Variants in TRPM2 observed in about 807,000 individuals in gnomAD.
TRPM2 encodes estrogen-responsive element-associated gene 1 protein.
Under a neutral mutation model 174.0 loss-of-function variants are expected in TRPM2, and 161 were observed. The ratio of observed to expected loss-of-function variants is 0.93; its 90% CI spans 0.81 to 1.05. TRPM2 has a LOEUF of 1.05. Ranked by LOEUF, TRPM2 falls within the 50% of genes least tolerant of loss-of-function variation. The pLI, the probability that TRPM2 is intolerant of heterozygous loss-of-function variation, is 0.00. For missense variants in TRPM2, 2,057 were observed against 2,038.0 expected (o/e 1.01, Z -0.18); for synonymous variants, 954 against 861.3 (o/e 1.11, Z -1.88).
At chr21:44,426,864 C>A (rs2050805974) in intron 26 of TRPM2, 128 bp downstream of exon 26, 4 of 1,350,372 alleles carry the variant, frequency 3.0e-6, no homozygotes, top group Non-Finnish European at 4.1e-6. Context: ...CCCGTGGGGG[C>A]CTGAAGGGGC....
intron 5 of TRPM2, 78 bp downstream of exon 5, chr21:44,369,421 G>A (rs1602144722): frequency 6.6e-7 from 1 of 1,523,144 alleles, no homozygotes; most frequent in East Asian, 2.3e-5. Flanking sequence ...TGGGGAGCAG[G>A]TGGAGTGTAC....
At chr21:44,364,307 G>T in intron 3 of TRPM2, 25 bp downstream of exon 3, 2 of 1,611,538 alleles carry the variant, frequency 1.2e-6, no homozygotes, top group South Asian at 1.1e-5. Flanking sequence ...CTCTCGCTCT[G>T]AACTGTAGGT....
At position 44,401,721 on chromosome 21, in the gene TRPM2, G is replaced by GCCCGTGCCTTCTTCACCGCA; in HGVS notation, c.2369_2388dup (p.Val797ProfsTer12). 6.2e-7 allele frequency: 1 copy of GCCCGTGCCTTCTTCACCGCA among 1,613,324 alleles called. No homozygotes were observed. On this transcript the variant is annotated frameshift_variant, in exon 16 of 32. Transcript: ENST00000397928. LOFTEE classifies it high-confidence loss of function. ...GGATGTGGGCACCCCCGCGGCCCGC[G>GCCCGTGCCTTCTTCACCGCA]CCCGTGCCTTCTTCACCGCACCCGT... is the stretch of plus-strand genomic sequence containing the variant.
intron 21 of TRPM2, 145 bp downstream of exon 21, chr21:44,418,253 G>A: frequency 1.5e-6 from 2 of 1,377,356 alleles, no homozygotes; most frequent in African/African-American, 1.4e-5. Flanking sequence ...CTGGCCTTGA[G>A]CAAGTGGTGG....
At position 44,391,547 on chromosome 21, in the gene TRPM2, C is replaced by G. The variant is rs1454282139; in HGVS notation, c.1716C>G (p.Phe572Leu). 1 of 1,600,688 alleles carries G rather than the reference C, an allele frequency of 6.2e-7. No individual in the cohort carries two copies. The highest frequency in any genetic ancestry group is 1.3e-5 in the African/African-American group (1 of 74,798). The change falls in exon 11 of 32, where the codon TTC becomes TTG. Residue 572 changes from phenylalanine to leucine, a missense_variant. Physicochemically the swap from Phe to Leu is conservative, Grantham distance 22. Transcript: ENST00000397928. The surrounding 1 kb of genome is among the most constrained non-coding windows in gnomAD (Gnocchi z 5.0). ...AQVLRELLGD[F>L]TQPLYPRPRH... Reference sequence around the variant, plus strand: ...TGCTGCGGGAGCTGCTGGGGGACTTCACGCAGCCGCTTTATCCCCGGCCCC... The same window carrying G: ...TGCTGCGGGAGCTGCTGGGGGACTTGACGCAGCCGCTTTATCCCCGGCCCC...
chr21:44,441,564 C>T, intron 31 of TRPM2, 128 bp from the exon 32 acceptor site: 1 of 1,273,582 alleles, frequency 7.9e-7, no homozygotes, highest in Middle Eastern at 2.4e-4. Flanking sequence ...GGGGTCCTGC[C>T]TCCCATTTCA....
chr21:44,367,015 C>T lies in TRPM2; in HGVS notation c.604+81C>T. 6.8e-7 allele frequency: 1 copy of T among 1,462,020 alleles called. No homozygotes were observed. Among genetic ancestry groups the T allele is most frequent in the Middle Eastern group, 2.4e-4 (1 of 4,120 alleles). 90.6% of individuals were successfully genotyped at this position (1,462,020 alleles called of 1,614,324 possible). A position where few individuals can be genotyped will look rare whatever the true frequency, so the allele number is the denominator to read the frequency against. Reference sequence around the variant, plus strand: ...GCAGTGCTGGGGCAATCAGGGCCATCAGGACCCAAAAAGTCCCTGGGAGCC... The same window carrying T: ...GCAGTGCTGGGGCAATCAGGGCCATTAGGACCCAAAAAGTCCCTGGGAGCC... On this transcript the variant is annotated intron_variant, in intron 4 of 31. Coordinates refer to ENST00000397928, the MANE Select transcript of TRPM2 (RefSeq NM_003307.4). The surrounding 1 kb of genome is among the most constrained non-coding windows in gnomAD (Gnocchi z 4.6).
chr21:44,422,227 A>G, intron 22 of TRPM2: 1 of 1,525,664 alleles, frequency 6.6e-7, no homozygotes, highest in Non-Finnish European at 8.8e-7. Context: ...ATAACCTTGC[A>G]GCACTGAGGT....
chr21:44,376,696 A>G lies in TRPM2; in HGVS notation c.952+683A>G, dbSNP rs1386614910. On this transcript the variant is annotated intron_variant, in intron 6 of 31. Transcript: ENST00000397928. This position sits in a 1 kb window ranked among gnomAD's most constrained non-coding sequence, Gnocchi z 4.2. Reference sequence around the variant, plus strand: ...CGGGAGGTCAAGTGCGGGGTTTTGCATATCACTTGAGGAGGGTTCAAAGAG... The same window carrying G: ...CGGGAGGTCAAGTGCGGGGTTTTGCGTATCACTTGAGGAGGGTTCAAAGAG... Among the ~76,000 whole-genome samples the G allele has an allele frequency of 1.3e-5, 2 of 152,164 alleles. No homozygotes were observed. Among genetic ancestry groups the G allele is most frequent in the Non-Finnish European group, 2.9e-5 (2 of 68,024 alleles).
chr21:44,369,995 G>T (rs927390340), intron 5 of TRPM2, among the ~76,000 whole-genome samples: 1 of 147,150 alleles, frequency 6.8e-6, no homozygotes, highest in Admixed American at 6.7e-5. Context: ...GTCTGACCGG[G>T]TGCTGTGAGG....
intron 19 of TRPM2, among the ~76,000 whole-genome samples, chr21:44,409,820 C>G (rs1298820145): frequency 1.3e-5 from 2 of 149,974 alleles, no homozygotes; most frequent in Admixed American, 1.3e-4. Flanking sequence ...TTTGACCGCA[C>G]TGTCTTGGTG....
chr21:44,406,033 G>GA lies in TRPM2; in HGVS notation c.2786_2787insA (p.Met930AspfsTer78). On this transcript the variant is annotated frameshift_variant, in exon 18 of 32. Transcript: ENST00000397928. LOFTEE classifies it high-confidence loss of function. The stretch of plus-strand genomic sequence containing the variant: ...GGGCCCAAGATCATCATTGTGAAGC[G>GA]GATGGTAAGGGGGCGGGGGCACCGG... 2 of 1,605,820 alleles carry GA rather than the reference G, an allele frequency of 1.2e-6. No individual in the cohort carries two copies. Among genetic ancestry groups the GA allele is most frequent in the Non-Finnish European group, 1.7e-6 (2 of 1,179,620 alleles).
chr21:44,428,092 A>C (rs547426195), intron 27 of TRPM2, among the ~76,000 whole-genome samples: 1 of 152,172 alleles, frequency 6.6e-6, no homozygotes. Flanking sequence ...TTAGTAGTGC[A>C]GAAGAGCACT....
chr21:44,414,007 C>G lies in TRPM2; in HGVS notation c.3079C>G (p.Leu1027Val). Residue 1027 changes from leucine to valine, a missense_variant, in exon 20 of 32, where the codon CTC becomes GTC. Transcript: ENST00000397928. ...GGCCTTCCCTGAGTGGCTGACGGTCCTCCTACTCTGCCTCTACCTGCTCTT... is the reference window on the plus strand; with the variant it reads ...GGCCTTCCCTGAGTGGCTGACGGTCGTCCTACTCTGCCTCTACCTGCTCTT... ...RPAFPEWLTV[L>V]LLCLYLLFTN... The G allele has an allele frequency of 6.2e-7, 1 of 1,613,854 alleles. No homozygotes were observed. Among genetic ancestry groups the G allele is most frequent in the Middle Eastern group, 1.6e-4 (1 of 6,062 alleles).
At position 44,439,053 on chromosome 21, in the gene TRPM2, CTCTG is replaced by C. The variant is rs1316127951; in HGVS notation, c.4168-7_4168-4del. The C allele has an allele frequency of 1.9e-6, 3 of 1,609,838 alleles. No individual in the cohort carries two copies. The highest frequency in any genetic ancestry group is 2.5e-6 in the Non-Finnish European group (3 of 1,177,912). On this transcript the variant is annotated splice_polypyrimidine_tract_variant and intron_variant, in intron 29 of 31. Coordinates refer to ENST00000397928, the MANE Select transcript of TRPM2 (RefSeq NM_003307.4). The surrounding 1 kb of genome is among the most constrained non-coding windows in gnomAD (Gnocchi z 5.1). ...GGTGCCCTGTTGACCTGCCTCCGTC[CTCTG>C]TCTGTCCAGGGCTCCCGGGAGCCAG...
In TRPM2 at chr21:44,440,791, G is replaced by A. The variant is rs2051471213; in HGVS notation, c.4272G>A (p.Val1424=). 1 of 1,613,408 alleles carries A rather than the reference G, an allele frequency of 6.2e-7. No homozygotes were observed. The highest frequency in any genetic ancestry group is 1.3e-5 in the African/African-American group (1 of 75,052). ...FENLLKCGME[V]YKGYMDDPRN... ...CTTACCCTGCCCTGCCCATCCAGGT[G>A]TACAAAGGCTACATGGATGACCCGA... Residue 1424 remains valine (V), a splice_region_variant and synonymous_variant, in exon 31 of 32, where the codon GTG becomes GTA. Coordinates refer to ENST00000397928, the MANE Select transcript of TRPM2 (RefSeq NM_003307.4).
intron 11 of TRPM2, among the ~76,000 whole-genome samples, chr21:44,393,877 GT>G (rs1218548484): frequency 6.6e-6 from 1 of 151,468 alleles, no homozygotes; most frequent in East Asian, 1.9e-4. Flanking sequence ...TGGTTTCTTT[GT>G]TTTTTGTTTT....
intron 7 of TRPM2, 103 bp downstream of exon 7, chr21:44,377,876 G>C: frequency 1.5e-6 from 2 of 1,315,028 alleles, no homozygotes; most frequent in Non-Finnish European, 2.1e-6. Context: ...GTTGGCAAGA[G>C]GGCGATGAGC....
At chr21:44,425,482 C>T (rs1377004043) in intron 24 of TRPM2, 188 bp from the exon 25 acceptor site, 29 of 579,230 alleles carry the variant, frequency 5.0e-5, no homozygotes, top group East Asian at 1.6e-4. Flanking sequence ...CCTGAGCTCC[C>T]GTGGCTGTCC....
Sources: allele counts gnomAD v4.1 joint callset (sites outside exome capture counted in the v4.1 genomes callset), GRCh38; gene constraint gnomAD v4.1.1; non-coding constraint Gnocchi (gnomAD v3.1); transcripts MANE v1.5; gene names NCBI Gene and HGNC (gene_info 2026-07-23, HGNC 2026-07-21).